ADCY5: variants seen among roughly 807,000 people sequenced by gnomAD.
ADCY5 encodes the protein adenylate cyclase type 5.
ADCY5 carries 30 observed loss-of-function variants against 119.7 expected under a neutral mutation model. The observed-to-expected ratio is 0.25, with a 90% confidence interval of 0.19 to 0.34. The LOEUF (loss-of-function observed/expected upper bound fraction) is 0.34, where lower values mean the gene tolerates loss of function less well. ADCY5 is among the 10% of genes least tolerant of loss of function. The pLI, the probability that ADCY5 is intolerant of heterozygous loss-of-function variation, is 1.00. For missense variants in ADCY5, 1,324 were observed against 1,775.2 expected, an observed-to-expected ratio of 0.75 and a Z score of 4.57; for synonymous variants, 753 against 762.2, an observed-to-expected ratio of 0.99 and a Z score of 0.20.
chr3:123,333,819 A>T (rs938286377), intron 3 of ADCY5, among the ~76,000 whole-genome samples: 1 of 152,200 alleles, frequency 6.6e-6, no homozygotes, highest in African/African-American at 2.4e-5. Context: ...CTGACTTCCC[A>T]ATCCCACACA....
At chr3:123,399,738 G>T (rs113903184) in intron 1 of ADCY5, among the ~76,000 whole-genome samples, 1,842 of 152,244 alleles carry the variant, frequency 0.012, 28 homozygotes, top group African/African-American at 0.041. Flanking sequence ...GACCTTTAGT[G>T]CCCTAATGCT....
chr3:123,337,812 C>T (rs1056236668), intron 3 of ADCY5, among the ~76,000 whole-genome samples: 8 of 152,216 alleles, frequency 5.3e-5, no homozygotes, highest in African/African-American at 9.6e-5. Context: ...GGATAAAATT[C>T]AACCCACAAC....
intron 1 of ADCY5, among the ~76,000 whole-genome samples, chr3:123,398,047 T>A (rs1001115779): frequency 1.3e-5 from 2 of 152,058 alleles, no homozygotes; most frequent in Non-Finnish European, 2.9e-5. Flanking sequence ...TGTCTTGGGG[T>A]TCAGGCACCC....
intron 3 of ADCY5, 103 bp from the exon 4 acceptor site, chr3:123,332,778 G>A: frequency 1.2e-6 from 1 of 805,334 alleles, no homozygotes; most frequent in East Asian, 2.8e-5. Flanking sequence ...TTTTTAAGAA[G>A]AGGTCTTGCT....
intron 1 of ADCY5, among the ~76,000 whole-genome samples, chr3:123,369,860 T>C (rs1193601193): frequency 1.3e-5 from 2 of 152,188 alleles, no homozygotes; most frequent in Admixed American, 1.3e-4. Flanking sequence ...TGGGGAGTCT[T>C]ATCTGTGATG....
rs79356012 is a variant in ADCY5 at position 123,294,434 on chromosome 3, G to A, written c.3063+1650C>T. Among the ~76,000 whole-genome samples the A allele has an allele frequency of 2.9e-3, 437 of 152,378 alleles. 1 individual carries two copies. The highest frequency in any genetic ancestry group is 3.9e-3 in the Non-Finnish European group (263 of 68,042). ...ATGACAGTGGAGAAATCTGGCAGATGCTGGTTGAGCAGGCCATCAGGGCTG... is the reference window on the plus strand; with the variant it reads ...ATGACAGTGGAGAAATCTGGCAGATACTGGTTGAGCAGGCCATCAGGGCTG... On this transcript the variant is annotated intron_variant, in intron 17 of 20. Transcript: ENST00000462833.
At chr3:123,364,514 G>A (rs1553737478) in intron 1 of ADCY5, among the ~76,000 whole-genome samples, 2 of 152,134 alleles carry the variant, frequency 1.3e-5, no homozygotes, top group Non-Finnish European at 2.9e-5. Context: ...ATGGGGCAGA[G>A]GAAGAAGAGT....
chr3:123,306,521 A>G (rs1940208438), intron 12 of ADCY5, among the ~76,000 whole-genome samples: 1 of 152,242 alleles, frequency 6.6e-6, no homozygotes, highest in East Asian at 1.9e-4. Flanking sequence ...AAAGAAAAAA[A>G]CAGATAAATT....
At chr3:123,393,632 C>A (rs1223959523) in intron 1 of ADCY5, among the ~76,000 whole-genome samples, 1 of 148,638 alleles carries the variant, frequency 6.7e-6, no homozygotes, top group Non-Finnish European at 1.5e-5. Flanking sequence ...GCGTCACATG[C>A]GAAAGAGATA....
At chr3:123,380,209 C>A (rs1019262897) in intron 1 of ADCY5, among the ~76,000 whole-genome samples, 2 of 152,206 alleles carry the variant, frequency 1.3e-5, no homozygotes, top group Non-Finnish European at 2.9e-5. Flanking sequence ...TTGCAATTAC[C>A]AATGCCATCC....
chr3:123,297,860 A>G (rs762085660), intron 15 of ADCY5, among the ~76,000 whole-genome samples: 3 of 152,200 alleles, frequency 2.0e-5, no homozygotes, highest in Non-Finnish European at 4.4e-5. Flanking sequence ...AAAAGGTAAA[A>G]TATTTCATTA....
At chr3:123,310,149 C>CAG (rs1553722799) in intron 12 of ADCY5, among the ~76,000 whole-genome samples, 2 of 147,724 alleles carry the variant, frequency 1.4e-5, no homozygotes, top group African/African-American at 5.1e-5. Context: ...CACACACACA[C>CAG]AGCTACGCAG....
intron 1 of ADCY5, among the ~76,000 whole-genome samples, chr3:123,422,032 C>G (rs970218883): frequency 1.2e-4 from 18 of 152,188 alleles, no homozygotes; most frequent in Admixed American, 3.9e-4. Flanking sequence ...TGTTTCTCCC[C>G]TGGCCACTCC....
chr3:123,291,438 A>G (rs569173897), intron 17 of ADCY5, 62 bp from the exon 18 acceptor site: 101 of 1,549,520 alleles, frequency 6.5e-5, no homozygotes, highest in Non-Finnish European at 8.5e-5. Context: ...CGGCCCCTCC[A>G]CCTCCTCCTC....
At chr3:123,310,699 C>G (rs1210065618) in intron 12 of ADCY5, among the ~76,000 whole-genome samples, 1 of 152,078 alleles carries the variant, frequency 6.6e-6, no homozygotes, top group African/African-American at 2.4e-5. Context: ...GCAGACTTGC[C>G]CTCTAAGACA....
chr3:123,415,749 T>A (rs1945170702), intron 1 of ADCY5, among the ~76,000 whole-genome samples: 1 of 152,226 alleles, frequency 6.6e-6, no homozygotes, highest in Middle Eastern at 3.4e-3. Context: ...CCAAACACCA[T>A]GCCCTTGGAG....
At chr3:123,438,883 A>G (rs1945671349) in intron 1 of ADCY5, among the ~76,000 whole-genome samples, 1 of 151,938 alleles carries the variant, frequency 6.6e-6, no homozygotes, top group East Asian at 1.9e-4. Flanking sequence ...GGTAGCTAGG[A>G]CTATAGGTGC....
At chr3:123,386,519 A>G (rs1316107469) in intron 1 of ADCY5, among the ~76,000 whole-genome samples, 1 of 152,134 alleles carries the variant, frequency 6.6e-6, no homozygotes, top group Non-Finnish European at 1.5e-5. Flanking sequence ...TAGTCTCGTT[A>G]TGCCTATTGT....
chr3:123,340,129 A>G (rs930469729), intron 3 of ADCY5, among the ~76,000 whole-genome samples: 3 of 152,000 alleles, frequency 2.0e-5, no homozygotes, highest in African/African-American at 7.2e-5. Flanking sequence ...GTCTCTGCAA[A>G]AAAAATTTAA....
Sources: gnomAD v4.1 joint callset for allele counts (sites outside exome capture counted in the v4.1 genomes callset) on GRCh38, gnomAD v4.1.1 for gene constraint, MANE v1.5 for transcripts, NCBI Gene and HGNC (gene_info 2026-07-23, HGNC 2026-07-21) for gene names.